GABRG3: variants seen among roughly 807,000 people sequenced by gnomAD.
The protein encoded by GABRG3 is gamma-aminobutyric acid receptor subunit gamma-3.
A neutral mutation model predicts 48.8 loss-of-function variants in GABRG3; 25 were observed. The observed-to-expected ratio is 0.51, with a 90% CI of 0.37 to 0.72. GABRG3 has a LOEUF of 0.72. Among genes scored for constraint, GABRG3 ranks in the 30% least tolerant of loss-of-function variants. The pLI, the probability that GABRG3 is intolerant of heterozygous loss-of-function variation, is 0.00. For synonymous variants in GABRG3, 227 were observed against 217.6 expected (o/e 1.04, Z -0.38); for missense variants, 394 against 577.9 (o/e 0.68, Z 3.26).
chr15:27,214,931 G>A (rs961791745), intron 3 of GABRG3, among the ~76,000 whole-genome samples: 2 of 152,154 alleles, frequency 1.3e-5, no homozygotes, highest in African/African-American at 4.8e-5. Flanking sequence ...TCCAAATCCT[G>A]TGATTAGCTA....
chr15:27,383,480 T>G (rs189277710), intron 5 of GABRG3, among the ~76,000 whole-genome samples: 93 of 152,302 alleles, frequency 6.1e-4, no homozygotes, highest in African/African-American at 2.1e-3. Context: ...GAAAATTCAT[T>G]CATTTAGTTG....
chr15:27,335,943 T>G (rs568152718), intron 5 of GABRG3, among the ~76,000 whole-genome samples: 7 of 152,240 alleles, frequency 4.6e-5, no homozygotes, highest in Admixed American at 4.6e-4. Context: ...ATCTCAGCAC[T>G]TTGGGAGGCC....
intron 4 of GABRG3, 48 bp downstream of exon 4, chr15:27,327,077 C>G (rs1375687684): frequency 2.1e-5 from 32 of 1,490,538 alleles, no homozygotes; most frequent in Middle Eastern, 3.4e-4. Context: ...AAAATGGGAT[C>G]CTTAATTTGA....
intron 5 of GABRG3, among the ~76,000 whole-genome samples, chr15:27,403,126 T>C (rs1434098324): frequency 4.0e-5 from 6 of 151,266 alleles, no homozygotes; most frequent in African/African-American, 1.5e-4. Flanking sequence ...AACAATAAAT[T>C]ATAAAAGAAA....
intron 5 of GABRG3, among the ~76,000 whole-genome samples, chr15:27,338,294 C>T (rs1454315683): frequency 6.6e-6 from 1 of 152,098 alleles, no homozygotes; most frequent in East Asian, 1.9e-4. Flanking sequence ...GTGCTGTTAA[C>T]CAGGAACGTG....
rs1053274871 is a variant in GABRG3 at position 27,319,674 on chromosome 15, A to C, written c.271-7135A>C. The stretch of plus-strand genomic sequence containing the variant: ...CAGGCGTGGGCAGAGCACAAATGGG[A>C]TGGGGAGGAAGGGAGGTCTGTGCCG... On this transcript the variant is annotated intron_variant, in intron 3 of 9. Transcript: ENST00000615808. The surrounding 1 kb of genome is among the most constrained non-coding windows in gnomAD (Gnocchi z 4.4). Among the ~76,000 whole-genome samples the C allele has an allele frequency of 2.0e-5, 3 of 151,986 alleles. No homozygotes were observed. The highest frequency in any genetic ancestry group is 7.3e-5 in the African/African-American group (3 of 41,366).
chr15:26,993,563 A>G (rs764576830), intron 2 of GABRG3, among the ~76,000 whole-genome samples: 1 of 152,062 alleles, frequency 6.6e-6, no homozygotes, highest in Non-Finnish European at 1.5e-5. Flanking sequence ...GTTAGAAAAC[A>G]TGTTTGATAG....
chr15:27,433,436 T>C (rs1888515061), intron 5 of GABRG3, among the ~76,000 whole-genome samples: 1 of 152,220 alleles, frequency 6.6e-6, no homozygotes, highest in South Asian at 2.1e-4. Context: ...CACATTCCCC[T>C]GGACATTCTC....
chr15:27,348,155 C>CAAAAAAAAAAAAAAAAA (rs535295684), intron 5 of GABRG3, among the ~76,000 whole-genome samples: 3,251 of 102,564 alleles, frequency 0.032, 546 homozygotes, highest in African/African-American at 0.092. Context: ...GACTCCATCT[C>CAAAAAAAAAAAAAAAAA]AAATAAATAA....
intron 3 of GABRG3, among the ~76,000 whole-genome samples, chr15:27,057,667 T>C (rs1228943303): frequency 6.6e-6 from 1 of 152,138 alleles, no homozygotes; most frequent in Non-Finnish European, 1.5e-5. Context: ...CTCATGTCCT[T>C]CAGGTGTTTC....
At chr15:27,147,746 TAAGGAA>T (rs1476991368) in intron 3 of GABRG3, among the ~76,000 whole-genome samples, 5 of 151,804 alleles carry the variant, frequency 3.3e-5, no homozygotes, top group African/African-American at 1.2e-4. Context: ...TAAGAAACCA[TAAGGAA>T]ATTAGAAAAC....
At chr15:26,990,968 C>A (rs1375464089) in intron 2 of GABRG3, among the ~76,000 whole-genome samples, 1 of 151,992 alleles carries the variant, frequency 6.6e-6, no homozygotes, top group Admixed American at 6.6e-5. Context: ...CCAGACCTGG[C>A]TAACTTTTGT....
chr15:27,286,181 A>G (rs1167270931), intron 3 of GABRG3, among the ~76,000 whole-genome samples: 1 of 152,194 alleles, frequency 6.6e-6, no homozygotes, highest in African/African-American at 2.4e-5. Context: ...AAATGAACTG[A>G]TATGTACGGA....
intron 3 of GABRG3, among the ~76,000 whole-genome samples, chr15:27,114,994 T>C (rs906830061): frequency 2.0e-5 from 3 of 152,184 alleles, no homozygotes; most frequent in South Asian, 2.1e-4. Context: ...TCTGGAAATA[T>C]TAATTTTTAG....
At chr15:27,484,577 C>T (rs1890176353) in intron 6 of GABRG3, among the ~76,000 whole-genome samples, 1 of 152,112 alleles carries the variant, frequency 6.6e-6, no homozygotes, top group African/African-American at 2.4e-5. Flanking sequence ...CAATAAGTAC[C>T]CTTAGTGCCC....
chr15:27,137,655 A>T (rs17648279), intron 3 of GABRG3, among the ~76,000 whole-genome samples: 3,946 of 149,360 alleles, frequency 0.026, 63 homozygotes, highest in Non-Finnish European at 0.041. Flanking sequence ...GTTTCATAAC[A>T]CTGACTCCCT....
At chr15:27,043,133 C>T (rs1470437480) in intron 3 of GABRG3, among the ~76,000 whole-genome samples, 1 of 152,194 alleles carries the variant, frequency 6.6e-6, no homozygotes, top group Non-Finnish European at 1.5e-5. Flanking sequence ...TTCTAATACC[C>T]TCCATCTCTT....
chr15:27,491,782 G>A (rs1267350403), intron 6 of GABRG3, among the ~76,000 whole-genome samples: 1 of 152,216 alleles, frequency 6.6e-6, no homozygotes, highest in Admixed American at 6.5e-5. Context: ...AAAGGAGTCT[G>A]AGGAAAAGCC....
At chr15:27,509,307 A>G (rs1236122054) in intron 6 of GABRG3, among the ~76,000 whole-genome samples, 3 of 151,506 alleles carry the variant, frequency 2.0e-5, no homozygotes, top group Admixed American at 1.3e-4. Context: ...TTAATATGAT[A>G]TATGTAGTTG....
Sources: allele counts gnomAD v4.1 joint callset (sites outside exome capture counted in the v4.1 genomes callset), GRCh38; gene constraint gnomAD v4.1.1; non-coding constraint Gnocchi (gnomAD v3.1); transcripts MANE v1.5; gene names NCBI Gene and HGNC (gene_info 2026-07-23, HGNC 2026-07-21).